Variants in TMEFF1 observed in about 807,000 individuals in gnomAD.
The protein encoded by TMEFF1 is tomoregulin-1.
A neutral mutation model predicts 47.5 loss-of-function variants in TMEFF1; 20 were observed. That is an observed-to-expected ratio of 0.42 (90% CI 0.30 to 0.61). The LOEUF is 0.61. Ranked by LOEUF, TMEFF1 falls within the 20% of genes least tolerant of loss-of-function variation. The pLI is 0.19. For synonymous variants in TMEFF1, 162 were observed against 166.3 expected, an observed-to-expected ratio of 0.97 and a Z score of 0.20; for missense variants, 411 against 471.1, an observed-to-expected ratio of 0.87 and a Z score of 1.18.
intron 7 of TMEFF1, among the ~76,000 whole-genome samples, chr9:100,556,858 T>G (rs967830199): frequency 6.6e-6 from 1 of 152,020 alleles, no homozygotes; most frequent in African/African-American, 2.4e-5. Context: ...ACCTTCTTAT[T>G]TTTTTGAGAC....
rs1181967459 is a variant in TMEFF1 at position 100,577,317 on chromosome 9, A to G, written c.*717A>G. On this transcript the variant is annotated 3_prime_UTR_variant, in exon 10 of 10. Transcript: ENST00000374879. ...TAATACACATTCATTTTTAAAGAAA[A>G]TGTTTGTTTTAACATAAATAAACAA... 6.6e-6 allele frequency: 1 copy of G among 152,620 alleles called. No homozygotes were observed. The highest frequency in any genetic ancestry group is 2.4e-5 in the African/African-American group (1 of 41,468). The allele number at this position is 152,620 out of a possible 1,614,324, so 9.5% of individuals were successfully genotyped here. A position where few individuals can be genotyped will look rare whatever the true frequency, so the allele number is the denominator to read the frequency against.
intron 2 of TMEFF1, among the ~76,000 whole-genome samples, chr9:100,503,628 G>C (rs914985876): frequency 1.3e-5 from 2 of 151,768 alleles, no homozygotes; most frequent in African/African-American, 4.8e-5. Flanking sequence ...GATTATGGAG[G>C]CTGAGAAGTC....
In TMEFF1 at chr9:100,564,023, A is replaced by T. The variant is rs1431287236; in HGVS notation, c.899+2503A>T. Among the ~76,000 whole-genome samples the T allele has an allele frequency of 3.9e-5, 6 of 152,326 alleles. No homozygotes were observed. In the East Asian group the frequency reaches 1.2e-3, roughly 29 times the overall value. On this transcript the variant is annotated intron_variant, in intron 8 of 9. Transcript: ENST00000374879. ...AGGCAAGGATAAACAGCCTTTAGCC[A>T]CAGTCCTATTGTTAGGTTAAAATCT...
chr9:100,527,529 C>T (rs1276038759), intron 5 of TMEFF1, among the ~76,000 whole-genome samples: 4 of 152,160 alleles, frequency 2.6e-5, no homozygotes, highest in South Asian at 2.1e-4. Context: ...TGCGCTTTTC[C>T]GACGGGCTTA....
At chr9:100,552,559 A>T (rs951251169) in intron 7 of TMEFF1, among the ~76,000 whole-genome samples, 1 of 152,204 alleles carries the variant, frequency 6.6e-6, no homozygotes, top group Non-Finnish European at 1.5e-5. Flanking sequence ...TTTGTGAGTC[A>T]GTCTTTGGAT....
intron 5 of TMEFF1, among the ~76,000 whole-genome samples, chr9:100,522,176 G>T (rs892341910): frequency 6.6e-6 from 1 of 152,178 alleles, no homozygotes; most frequent in African/African-American, 2.4e-5. Flanking sequence ...AACTGAAGAA[G>T]TACCTTTTCT....
intron 5 of TMEFF1, among the ~76,000 whole-genome samples, chr9:100,532,693 A>T (rs1838411336): frequency 6.6e-6 from 1 of 151,684 alleles, no homozygotes; most frequent in African/African-American, 2.4e-5. Context: ...TTCCTCAGGG[A>T]TCTAGAACTG....
intron 9 of TMEFF1, 137 bp from the exon 10 acceptor site, chr9:100,576,379 A>C: frequency 1.9e-6 from 2 of 1,051,002 alleles, no homozygotes; most frequent in Non-Finnish European, 2.7e-6. Context: ...AACAGATACC[A>C]TCTCATTTCC....
chr9:100,539,000 G>A (rs1281592152), intron 5 of TMEFF1, among the ~76,000 whole-genome samples: 1 of 152,090 alleles, frequency 6.6e-6, no homozygotes, highest in African/African-American at 2.4e-5. Flanking sequence ...CACCTCCCAG[G>A]TTTAGGTGAT....
chr9:100,521,395 C>G (rs1343831290), intron 5 of TMEFF1, among the ~76,000 whole-genome samples: 2 of 152,114 alleles, frequency 1.3e-5, no homozygotes, highest in Non-Finnish European at 2.9e-5. Context: ...GGTTGAGGCT[C>G]CAAGAAATAT....
At chr9:100,574,826 C>T (rs1839316332) in intron 9 of TMEFF1, among the ~76,000 whole-genome samples, 1 of 152,140 alleles carries the variant, frequency 6.6e-6, no homozygotes, top group African/African-American at 2.4e-5. Flanking sequence ...CAGTCTTTTA[C>T]CCAACTCTTT....
chr9:100,481,261 G>T (rs539335231), intron 1 of TMEFF1, among the ~76,000 whole-genome samples: 1 of 152,304 alleles, frequency 6.6e-6, no homozygotes, highest in Non-Finnish European at 1.5e-5. Context: ...GTAGCTCTAT[G>T]AAGGCAGAGA....
intron 5 of TMEFF1, among the ~76,000 whole-genome samples, chr9:100,531,738 T>C (rs1216057993): frequency 1.3e-5 from 2 of 152,118 alleles, no homozygotes; most frequent in Non-Finnish European, 2.9e-5. Context: ...AAAAAACTAC[T>C]TTAAAATTCA....
chr9:100,511,421 C>A (rs1837963663), intron 3 of TMEFF1, among the ~76,000 whole-genome samples: 1 of 152,146 alleles, frequency 6.6e-6, no homozygotes. Flanking sequence ...CCTCTCTGAG[C>A]CCCAATTCCT....
chr9:100,515,369 T>A (rs1031395961), intron 4 of TMEFF1, among the ~76,000 whole-genome samples: 2 of 152,108 alleles, frequency 1.3e-5, no homozygotes, highest in African/African-American at 4.8e-5. Context: ...TTGGGAGTAT[T>A]CATGAGAGTT....
At chr9:100,485,250 T>C (rs754384815) in intron 1 of TMEFF1, among the ~76,000 whole-genome samples, 4 of 152,242 alleles carry the variant, frequency 2.6e-5, no homozygotes, top group Admixed American at 6.5e-5. Flanking sequence ...TTATGAATAA[T>C]GCCACCATGG....
intron 2 of TMEFF1, 98 bp from the exon 3 acceptor site, chr9:100,508,907 A>C: frequency 7.7e-7 from 1 of 1,300,406 alleles, no homozygotes; most frequent in Non-Finnish European, 9.8e-7. Context: ...TTCAGTAGCG[A>C]AGTATGTCAT....
intron 8 of TMEFF1, among the ~76,000 whole-genome samples, chr9:100,567,342 G>A (rs1315460574): frequency 3.3e-5 from 5 of 152,100 alleles, no homozygotes; most frequent in African/African-American, 1.2e-4. Context: ...TACCCGGATT[G>A]CCTTATTTAA....
chr9:100,548,311 C>A (rs1382808502), intron 6 of TMEFF1, among the ~76,000 whole-genome samples: 1 of 152,088 alleles, frequency 6.6e-6, no homozygotes, highest in Admixed American at 6.6e-5. Context: ...TTTCCATTAT[C>A]TGTATCATTT....
Sources: allele counts gnomAD v4.1 joint callset (sites outside exome capture counted in the v4.1 genomes callset), GRCh38; gene constraint gnomAD v4.1.1; transcripts MANE v1.5; gene names NCBI Gene and HGNC (gene_info 2026-07-23, HGNC 2026-07-21).